Variants in DNAH10 observed in about 807,000 individuals in gnomAD.
DNAH10 encodes dynein axonemal heavy chain 10.
DNAH10 carries 348 observed loss-of-function variants against 506.6 expected under a neutral mutation model. That is an observed-to-expected ratio of 0.69 (90% CI 0.63 to 0.75). The LOEUF (loss-of-function observed/expected upper bound fraction) is 0.75. Among genes scored for constraint, DNAH10 ranks in the 30% least tolerant of loss-of-function variants. The pLI, the probability that DNAH10 is intolerant of heterozygous loss-of-function variation, is 0.00. For missense variants in DNAH10, 5,179 were observed against 5,787.1 expected (o/e 0.89, Z 3.41); for synonymous variants, 2,059 against 2,198.6 (o/e 0.94, Z 1.78).
rs758964434 is a variant in DNAH10 at position 123,845,722 on chromosome 12, A to G, written c.5483A>G (p.Asn1828Ser). 5.0e-6 allele frequency: 8 copies of G among 1,613,772 alleles called. No individual in the cohort carries two copies. The African/African-American group carries it at 1.1e-4, about 22-fold the overall frequency. ...AAAGGGGAGAAGCAGGCCATGAAGA[A>G]CTATGGCAGGAAAATGCACCGGCAG... ...AQKGEKQAMK[N>S]YGRKMHRQID... Residue 1828 changes from asparagine (N) to serine (S), a missense_variant, in exon 31 of 79, where the codon AAC becomes AGC. This residue lies in a region of DNAH10 where 4,844 missense variants were observed against 5,430.5 expected (regional missense o/e 0.89). Coordinates refer to ENST00000673944, the MANE Select transcript of DNAH10 (RefSeq NM_001372106.1).
Position 123,776,355 on chromosome 12 carries a change from G to C in DNAH10, c.621+2091G>C, listed in dbSNP as rs148731055. On this transcript the variant is annotated intron_variant, in intron 5 of 78. Transcript: ENST00000673944. Reference sequence around the variant, plus strand: ...GACTCTTGGTCCCAGCACTTTAGGAGGGTGAGGCGGGAGGATCGCTTGAGG... The same window carrying C: ...GACTCTTGGTCCCAGCACTTTAGGACGGTGAGGCGGGAGGATCGCTTGAGG... Among the ~76,000 whole-genome samples the C allele has an allele frequency of 3.5e-3, 538 of 152,216 alleles. 3 individuals are homozygous for C. The highest frequency in any genetic ancestry group is 0.012 in the African/African-American group (517 of 41,526).
chr12:123,785,002 G>A lies in DNAH10; in HGVS notation c.1231-744G>A, dbSNP rs1226923235. Among the ~76,000 whole-genome samples, 13 of 152,216 alleles carry A rather than the reference G, an allele frequency of 8.5e-5. No individual in the cohort carries two copies. The highest frequency in any genetic ancestry group is 4.4e-5 in the Non-Finnish European group (3 of 68,048). On this transcript the variant is annotated intron_variant, in intron 8 of 78. Coordinates refer to ENST00000673944, the MANE Select transcript of DNAH10 (RefSeq NM_001372106.1). The surrounding 1 kb of genome is among the most constrained non-coding windows in gnomAD (Gnocchi z 4.1). ...TATTCATCAGTCGGTGGGCATTTGA[G>A]TTGTTTCTGCATTTTGGCTATTATG... is the stretch of plus-strand genomic sequence containing the variant.
chr12:123,794,246 G>GT (rs1958192823), intron 12 of DNAH10, 134 bp downstream of exon 12: 2 of 590,152 alleles, frequency 3.4e-6, no homozygotes, highest in Admixed American at 1.1e-4. Flanking sequence ...AGCATGTTAC[G>GT]TAATACACGT....
chr12:123,781,795 T>TC (rs976819149), intron 6 of DNAH10, among the ~76,000 whole-genome samples: 1 of 152,174 alleles, frequency 6.6e-6, no homozygotes, highest in Non-Finnish European at 1.5e-5. Flanking sequence ...ACATTTTTCT[T>TC]CATTGTTTTC....
chr12:123,910,933 G>A (rs1053262887), intron 59 of DNAH10, among the ~76,000 whole-genome samples: 2 of 152,040 alleles, frequency 1.3e-5, no homozygotes, highest in South Asian at 2.1e-4. Flanking sequence ...CAGACCAGGC[G>A]TGGTAGCTCA....
At chr12:123,804,527 CAAA>C (rs1283454178) in intron 17 of DNAH10, among the ~76,000 whole-genome samples, 2 of 78,826 alleles carry the variant, frequency 2.5e-5, no homozygotes, top group Non-Finnish European at 5.4e-5. Context: ...GACTCCGTCT[CAAA>C]AAAAAAAAAA....
chr12:123,794,514 A>G (rs776755628), intron 12 of DNAH10, among the ~76,000 whole-genome samples: 2 of 152,166 alleles, frequency 1.3e-5, no homozygotes, highest in Non-Finnish European at 2.9e-5. Context: ...TTCTGCTTTT[A>G]AAGAAGTCAG....
rs74943885 is a variant in DNAH10 at position 123,785,800 on chromosome 12, A to G, written c.1285A>G (p.Met429Val). 37 of 1,614,142 alleles carry G rather than the reference A, an allele frequency of 2.3e-5. No homozygotes were observed. Among genetic ancestry groups the G allele is most frequent in the East Asian group, 4.5e-5 (2 of 44,882 alleles). The change falls in exon 9 of 79, where the codon ATG (methionine) becomes GTG (valine). Residue 429 changes from methionine (M) to valine (V), a missense_variant. Coordinates refer to ENST00000673944, the MANE Select transcript of DNAH10 (RefSeq NM_001372106.1). The surrounding 1 kb of genome is among the most constrained non-coding windows in gnomAD (Gnocchi z 4.1). Reference protein sequence around the residue: ...HVVLDTIPAMMSALRMVWIIS... With the variant: ...HVVLDTIPAMVSALRMVWIIS... ...GGTCCTGGACACCATCCCCGCCATG[A>G]TGAGTGCCCTGCGGATGGTGTGGAT...
intron 29 of DNAH10, among the ~76,000 whole-genome samples, chr12:123,839,468 T>C (rs1285089090): frequency 6.6e-6 from 1 of 152,120 alleles, no homozygotes; most frequent in Non-Finnish European, 1.5e-5. Flanking sequence ...AAAAATGAAA[T>C]GAGTTACTAT....
chr12:123,806,623 C>G (rs77682183), intron 18 of DNAH10, among the ~76,000 whole-genome samples: 9,057 of 152,206 alleles, frequency 0.06, 385 homozygotes, highest in African/African-American at 0.12. Flanking sequence ...GACCCAGTTT[C>G]GCAAACTTCT....
At chr12:123,864,509 A>C in intron 39 of DNAH10, 86 bp from the exon 40 acceptor site, 2 of 1,510,500 alleles carry the variant, frequency 1.3e-6, no homozygotes, top group Non-Finnish European at 1.8e-6. Flanking sequence ...GGAAAAAGAC[A>C]TTCAACATGA....
intron 45 of DNAH10, 90 bp downstream of exon 45, chr12:123,871,692 C>T: frequency 2.1e-6 from 3 of 1,437,958 alleles, no homozygotes; most frequent in South Asian, 2.6e-5. Context: ...TGTGATCTCA[C>T]AGTTTCCGTG....
Position 123,928,873 on chromosome 12 carries a change from C to T in DNAH10, c.12306+286C>T. 1 of 477,960 alleles carries T rather than the reference C, an allele frequency of 2.1e-6. No individual in the cohort carries two copies. Among genetic ancestry groups the T allele is most frequent in the Non-Finnish European group, 3.7e-6 (1 of 270,910 alleles). 29.6% of individuals were successfully genotyped at this position (477,960 alleles called of 1,614,324 possible). A position where few individuals can be genotyped will look rare whatever the true frequency, so the allele number is the denominator to read the frequency against. Reference sequence around the variant, plus strand: ...ACTTCACGGCCCCCCCCCCCACACACAGCCTGCAGTTCGCTAGTGCTGACT... The same window carrying T: ...ACTTCACGGCCCCCCCCCCCACACATAGCCTGCAGTTCGCTAGTGCTGACT... On this transcript the variant is annotated intron_variant, in intron 70 of 78. Transcript: ENST00000673944. The surrounding 1 kb of genome is among the most constrained non-coding windows in gnomAD (Gnocchi z 4.9).
chr12:123,846,258 T>C lies in DNAH10; in HGVS notation c.5814+104T>C. The C allele has an allele frequency of 7.5e-7, 1 of 1,339,686 alleles. No homozygotes were observed. Among genetic ancestry groups the C allele is most frequent in the Non-Finnish European group, 1.0e-6 (1 of 1,001,480 alleles). The allele number at this position is 1,339,686 out of a possible 1,614,324, so 83.0% of individuals were successfully genotyped here. A position where few individuals can be genotyped will look rare whatever the true frequency, so the allele number is the denominator to read the frequency against. On this transcript the variant is annotated intron_variant, in intron 32 of 78. Transcript: ENST00000673944. The surrounding 1 kb of genome is among the most constrained non-coding windows in gnomAD (Gnocchi z 4.5). ...GCAGTGATTGAAATAGCAGGGGAGA[T>C]CATTGCTTTGAAATCTCGAAAAGCT...
At chr12:123,881,264 C>T (rs533397913) in intron 50 of DNAH10, among the ~76,000 whole-genome samples, 1 of 152,332 alleles carries the variant, frequency 6.6e-6, no homozygotes, top group Admixed American at 6.5e-5. Flanking sequence ...TACAGTCTCA[C>T]CAACTGTGTA....
rs1959189650 is a variant in DNAH10 at position 123,818,850 on chromosome 12, C to G, written c.3781-100C>G. 5.1e-6 allele frequency: 4 copies of G among 777,978 alleles called. No individual in the cohort carries two copies. The East Asian group carries it at 1.1e-4, about 21-fold the overall frequency. The allele number at this position is 777,978 out of a possible 1,614,324, so 48.2% of individuals were successfully genotyped here. On this transcript the variant is annotated intron_variant, in intron 21 of 78. Coordinates refer to ENST00000673944, the MANE Select transcript of DNAH10 (RefSeq NM_001372106.1). The stretch of plus-strand genomic sequence containing the variant: ...GTTTGAATTACCTAGCCTCCTGTTG[C>G]CACAAGCAGAAGTCCCTGGGAGGTA...
chr12:123,879,117 C>T, intron 48 of DNAH10, 147 bp from the exon 49 acceptor site: 1 of 620,116 alleles, frequency 1.6e-6, no homozygotes, highest in Non-Finnish European at 2.8e-6. Context: ...GGTTAGATTT[C>T]ATTAACGTGA....
intron 52 of DNAH10, 90 bp downstream of exon 52, chr12:123,887,403 CTG>C: frequency 6.9e-7 from 1 of 1,444,438 alleles, no homozygotes; most frequent in Non-Finnish European, 9.2e-7. Flanking sequence ...CCTCCAGACA[CTG>C]TGGGTAGCCC....
intron 34 of DNAH10, among the ~76,000 whole-genome samples, chr12:123,849,192 C>T (rs911718803): frequency 2.6e-5 from 4 of 152,156 alleles, no homozygotes; most frequent in South Asian, 2.1e-4. Flanking sequence ...ATATTCTTGG[C>T]GACTTCCCAA....
Sources: gnomAD v4.1 joint callset for allele counts (sites outside exome capture counted in the v4.1 genomes callset) on GRCh38, gnomAD v4.1.1 for gene constraint, gnomAD v4.1.1 regional missense constraint, Gnocchi (gnomAD v3.1) non-coding constraint, MANE v1.5 for transcripts, NCBI Gene and HGNC (gene_info 2026-07-23, HGNC 2026-07-21) for gene names.